Variants in AUTS2 observed in about 807,000 individuals in gnomAD.
AUTS2 encodes autism susceptibility gene 2 protein.
A neutral mutation model predicts 112.4 loss-of-function variants in AUTS2; 17 were observed. The observed-to-expected ratio is 0.15, with a 90% confidence interval of 0.10 to 0.23. AUTS2 has a LOEUF of 0.23. Ranked by LOEUF, AUTS2 falls within the 10% of genes least tolerant of loss-of-function variation. The pLI, the probability that AUTS2 is intolerant of heterozygous loss-of-function variation, is 1.00. For synonymous variants in AUTS2, 751 were observed against 702.7 expected (o/e 1.07, Z -1.09); for missense variants, 1,510 against 1,701.6 (o/e 0.89, Z 1.98).
intron 4 of AUTS2, among the ~76,000 whole-genome samples, chr7:70,382,371 G>A (rs149535429): frequency 3.9e-5 from 6 of 152,082 alleles, no homozygotes; most frequent in Admixed American, 1.3e-4. Flanking sequence ...ACACATCACT[G>A]CCTGGCTAAT....
chr7:70,443,883 T>G (rs943160592), intron 5 of AUTS2, among the ~76,000 whole-genome samples: 3 of 152,200 alleles, frequency 2.0e-5, no homozygotes, highest in African/African-American at 7.2e-5. Context: ...GGGGACTAGG[T>G]GGAGAGCTAG....
At chr7:70,170,213 G>A (rs1327292653) in intron 4 of AUTS2, among the ~76,000 whole-genome samples, 3 of 146,344 alleles carry the variant, frequency 2.0e-5, no homozygotes, top group Admixed American at 1.4e-4. Flanking sequence ...AGGCTGGAGT[G>A]CAGTGGCATG....
At chr7:69,704,246 A>G (rs1038519840) in intron 1 of AUTS2, among the ~76,000 whole-genome samples, 4 of 151,938 alleles carry the variant, frequency 2.6e-5, no homozygotes, top group African/African-American at 9.7e-5. Context: ...TTAGTGTGCC[A>G]TATTAGGCTC....
At chr7:70,143,416 C>T (rs1249726736) in intron 4 of AUTS2, among the ~76,000 whole-genome samples, 1 of 152,198 alleles carries the variant, frequency 6.6e-6, no homozygotes, top group Non-Finnish European at 1.5e-5. Flanking sequence ...AGTTGATAAA[C>T]TGTCAGATCC....
chr7:70,679,459 A>C (rs1036061076), intron 5 of AUTS2, among the ~76,000 whole-genome samples: 1 of 152,164 alleles, frequency 6.6e-6, no homozygotes, highest in African/African-American at 2.4e-5. Flanking sequence ...ATGTGACCCA[A>C]ACTTTCCATT....
At chr7:69,969,422 A>G (rs955843067) in intron 2 of AUTS2, among the ~76,000 whole-genome samples, 4 of 152,172 alleles carry the variant, frequency 2.6e-5, no homozygotes, top group Admixed American at 1.3e-4. Context: ...ATTGAAGGAT[A>G]TTCGTCTTGA....
At chr7:69,695,365 A>G (rs1217654127) in intron 1 of AUTS2, among the ~76,000 whole-genome samples, 1 of 152,110 alleles carries the variant, frequency 6.6e-6, no homozygotes, top group Non-Finnish European at 1.5e-5. Flanking sequence ...ATATAAATAT[A>G]GATTAACAAA....
chr7:70,110,451 G>A (rs1024512291), intron 2 of AUTS2, among the ~76,000 whole-genome samples: 2 of 152,152 alleles, frequency 1.3e-5, no homozygotes, highest in Non-Finnish European at 2.9e-5. Flanking sequence ...GGGAGGCAGA[G>A]GTTGCAGTGA....
chr7:69,672,758 G>C (rs538588396), intron 1 of AUTS2, among the ~76,000 whole-genome samples: 1 of 152,326 alleles, frequency 6.6e-6, no homozygotes, highest in Admixed American at 6.5e-5. Context: ...GGAGATGCCA[G>C]TGCTGTCTTG....
intron 13 of AUTS2, 121 bp downstream of exon 13, chr7:70,775,507 G>A (rs944667480): frequency 1.9e-5 from 15 of 804,498 alleles, no homozygotes; most frequent in Non-Finnish European, 2.6e-5. Context: ...TTGGAATGAC[G>A]GTGATTGGGT....
intron 1 of AUTS2, among the ~76,000 whole-genome samples, chr7:69,762,490 A>G (rs533623717): frequency 5.2e-4 from 79 of 150,946 alleles, no homozygotes; most frequent in African/African-American, 1.8e-3. Context: ...TGTGTTTTTG[A>G]TAGAGATGGG....
chr7:70,217,032 G>A (rs1305258608), intron 4 of AUTS2, among the ~76,000 whole-genome samples: 13 of 152,044 alleles, frequency 8.6e-5, no homozygotes, highest in Non-Finnish European at 2.9e-5. Flanking sequence ...GTTTCTGTGG[G>A]ACGTCTTACA....
chr7:69,776,720 A>G (rs1312152278), intron 1 of AUTS2, among the ~76,000 whole-genome samples: 3 of 152,212 alleles, frequency 2.0e-5, no homozygotes, highest in African/African-American at 7.2e-5. Context: ...TGCCTAGTCA[A>G]AAATGTAAAT....
At chr7:69,778,989 A>G (rs917255582) in intron 1 of AUTS2, among the ~76,000 whole-genome samples, 2 of 147,414 alleles carry the variant, frequency 1.4e-5, no homozygotes, top group African/African-American at 2.5e-5. Context: ...CATCTCTTTA[A>G]GCCTCTGTTT....
chr7:69,646,190 C>G (rs1270637944), intron 1 of AUTS2, among the ~76,000 whole-genome samples: 1 of 152,050 alleles, frequency 6.6e-6, no homozygotes, highest in Non-Finnish European at 1.5e-5. Flanking sequence ...CCTGCAGTTT[C>G]CCAATTACCC....
chr7:69,986,275 G>A (rs1057157146), intron 2 of AUTS2, among the ~76,000 whole-genome samples: 3 of 152,240 alleles, frequency 2.0e-5, no homozygotes, highest in Non-Finnish European at 4.4e-5. Flanking sequence ...ATGCCTAGCA[G>A]TGAGTAAGAA....
chr7:70,056,114 A>T (rs946882781), intron 2 of AUTS2, among the ~76,000 whole-genome samples: 2 of 151,766 alleles, frequency 1.3e-5, no homozygotes, highest in African/African-American at 4.8e-5. Flanking sequence ...CAGCCTCCCG[A>T]GTAGCTGGGA....
intron 4 of AUTS2, among the ~76,000 whole-genome samples, chr7:70,299,446 A>C (rs1395858553): frequency 6.6e-6 from 1 of 152,174 alleles, no homozygotes; most frequent in Non-Finnish European, 1.5e-5. Context: ...GCTGCTTCTC[A>C]TTTCTCTCTA....
At chr7:69,768,965 G>A (rs1039383186) in intron 1 of AUTS2, among the ~76,000 whole-genome samples, 3 of 152,194 alleles carry the variant, frequency 2.0e-5, no homozygotes, top group Admixed American at 6.5e-5. Context: ...GCATGGCAGA[G>A]TGTGGACACA....
Sources: gnomAD v4.1 joint callset for allele counts (sites outside exome capture counted in the v4.1 genomes callset) on GRCh38, gnomAD v4.1.1 for gene constraint, MANE v1.5 for transcripts, NCBI Gene and HGNC (gene_info 2026-07-23, HGNC 2026-07-21) for gene names.